Variants in PLS3 observed in about 807,000 individuals in gnomAD.
PLS3 encodes plastin 3.
PLS3 carries 11 observed loss-of-function variants against 46.5 expected under a neutral mutation model. That is an observed-to-expected ratio of 0.24 (90% CI 0.15 to 0.39). PLS3 has a LOEUF of 0.39. Ranked by LOEUF, PLS3 falls within the 10% of genes least tolerant of loss-of-function variation. The probability of loss-of-function intolerance (pLI) is 1.00; values close to 1 mark genes in which losing one functional copy is unlikely to be tolerated. For missense variants in PLS3, 308 were observed against 461.8 expected (o/e 0.67, Z 3.05); for synonymous variants, 167 against 162.2 (o/e 1.03, Z -0.22).
rs147650330 is a variant in PLS3 at position 115,596,198 on chromosome X, C to T, written c.-8-14045C>T. Among the ~76,000 whole-genome samples, 497 of 111,844 alleles carry T rather than the reference C, an allele frequency of 4.4e-3. 3 individuals are homozygous for T. Among genetic ancestry groups the T allele is most frequent in the Non-Finnish European group, 7.1e-3 (378 of 53,219 alleles). ...CAATTGTATGTGAAGAATGTGAAGACGTTATTGAACTTGACTATTTTGTTC... is the reference window on the plus strand; with the variant it reads ...CAATTGTATGTGAAGAATGTGAAGATGTTATTGAACTTGACTATTTTGTTC... On this transcript the variant is annotated intron_variant, in intron 1 of 15. Transcript: ENST00000355899.
intron 1 of PLS3, among the ~76,000 whole-genome samples, chrX:115,585,444 G>T (rs2074301738): frequency 9.0e-6 from 1 of 111,052 alleles, no homozygotes; most frequent in Admixed American, 9.7e-5. Flanking sequence ...GGGCTGGAGT[G>T]CAGTGGTGCA....
At chrX:115,601,190 G>A (rs782146962) in intron 1 of PLS3, among the ~76,000 whole-genome samples, 130 of 109,918 alleles carry the variant, frequency 1.2e-3, no homozygotes, top group African/African-American at 4.1e-3. Flanking sequence ...TGGAAGAAGC[G>A]GGAAAATACA....
At chrX:115,595,728 T>C (rs1421890878) in intron 1 of PLS3, among the ~76,000 whole-genome samples, 16 of 99,347 alleles carry the variant, frequency 1.6e-4, no homozygotes, top group South Asian at 5.2e-4. Context: ...CTCACTCTGT[T>C]GCCCAGGCTG....
chrX:115,589,514 A>G (rs1454959523), intron 1 of PLS3, among the ~76,000 whole-genome samples: 1 of 111,239 alleles, frequency 9.0e-6, no homozygotes, highest in Non-Finnish European at 1.9e-5. Context: ...TGCTTCACTC[A>G]CTATGTTTGT....
At chrX:115,571,882 A>G (rs1156908387) in intron 1 of PLS3, among the ~76,000 whole-genome samples, 1 of 112,271 alleles carries the variant, frequency 8.9e-6, no homozygotes, top group Non-Finnish European at 1.9e-5. Context: ...TATTTTATCT[A>G]GTGGAAATTT....
chrX:115,581,579 T>C (rs2074279668), intron 1 of PLS3, among the ~76,000 whole-genome samples: 1 of 111,906 alleles, frequency 8.9e-6, no homozygotes, highest in African/African-American at 3.2e-5. Flanking sequence ...TGGTTTTGGG[T>C]GAGGGAAAAT....
At chrX:115,567,332 C>T (rs1237720063) in intron 1 of PLS3, among the ~76,000 whole-genome samples, 2 of 111,154 alleles carry the variant, frequency 1.8e-5, no homozygotes, top group African/African-American at 6.5e-5. Flanking sequence ...CACGGTGGCT[C>T]ACATCTGTCA....
chrX:115,617,020 G>A (rs782284247), intron 2 of PLS3, among the ~76,000 whole-genome samples: 8 of 111,450 alleles, frequency 7.2e-5, no homozygotes, highest in Admixed American at 1.9e-4. Context: ...ATATGTATTC[G>A]AAGTGACTCA....
intron 1 of PLS3, among the ~76,000 whole-genome samples, chrX:115,567,259 T>C (rs1294860108): frequency 9.0e-6 from 1 of 111,282 alleles, no homozygotes; most frequent in South Asian, 3.8e-4. Context: ...GGAAACTGCA[T>C]AGTGGAAGAG....
At chrX:115,628,795 T>A (rs1420953413) in intron 3 of PLS3, among the ~76,000 whole-genome samples, 1 of 112,325 alleles carries the variant, frequency 8.9e-6, no homozygotes, top group Non-Finnish European at 1.9e-5. Flanking sequence ...TTTGGTTAAA[T>A]CATAAAATTT....
intron 1 of PLS3, among the ~76,000 whole-genome samples, chrX:115,579,223 T>A (rs1253284228): frequency 8.9e-6 from 1 of 112,188 alleles, no homozygotes; most frequent in Non-Finnish European, 1.9e-5. Context: ...AGATTCAACC[T>A]AAGTTGTTGT....
chrX:115,574,806 C>T (rs1358979448), intron 1 of PLS3, among the ~76,000 whole-genome samples: 5 of 112,069 alleles, frequency 4.5e-5, no homozygotes, highest in African/African-American at 6.5e-5. Context: ...CTCAGACTCC[C>T]GACCTCAGGT....
rs1556635940 is a variant in PLS3, at chrX:115,610,295, T to A, written c.45T>A (p.Asp15Glu). 8 of 1,170,485 alleles carry A rather than the reference T, an allele frequency of 6.8e-6. No homozygotes were observed. In the Middle Eastern group the frequency reaches 9.4e-4, roughly 138 times the overall value. The part of the protein sequence containing the change: ...ATTQISKDEL[D>E]ELKEAFAKVD... ...CTCAGATTTCCAAAGATGAGCTTGA[T>A]GAACTCAAAGAGGCCTTTGCAAAAG... Residue 15 changes from aspartate (D) to glutamate (E), a missense_variant, in exon 2 of 16, where the codon GAT becomes GAA. This residue lies in a region of PLS3 where 37 missense variants were observed against 26.1 expected (regional missense o/e 1.42). Transcript: ENST00000355899.
At chrX:115,585,259 A>G (rs1556632270) in intron 1 of PLS3, among the ~76,000 whole-genome samples, 1 of 112,204 alleles carries the variant, frequency 8.9e-6, no homozygotes, top group African/African-American at 3.2e-5. Flanking sequence ...CAACTAGTAT[A>G]GTGCCTTTTA....
intron 1 of PLS3, among the ~76,000 whole-genome samples, chrX:115,607,555 G>A (rs1434407662): frequency 9.5e-6 from 1 of 105,094 alleles, no homozygotes; most frequent in Non-Finnish European, 1.9e-5. Context: ...CTGGAGTGCA[G>A]TGGTACGATC....
intron 1 of PLS3, among the ~76,000 whole-genome samples, chrX:115,568,116 G>T (rs782598586): frequency 9.0e-6 from 1 of 110,887 alleles, no homozygotes; most frequent in African/African-American, 3.3e-5. Flanking sequence ...GCCATTTCTT[G>T]TTGTTCATTT....
At chrX:115,571,915 G>T (rs2147416750) in intron 1 of PLS3, among the ~76,000 whole-genome samples, 1 of 111,959 alleles carries the variant, frequency 8.9e-6, no homozygotes, top group African/African-American at 3.2e-5. Flanking sequence ...ACCAGGAAAT[G>T]ATGAAGGCTA....
intron 1 of PLS3, among the ~76,000 whole-genome samples, chrX:115,596,841 AAAT>A (rs781875567): frequency 1.9e-5 from 2 of 103,587 alleles, no homozygotes; most frequent in African/African-American, 7.2e-5. Context: ...TGTCTCAAGA[AAAT>A]AATAATAATA....
chrX:115,594,931 GT>G (rs1415142385), intron 1 of PLS3, among the ~76,000 whole-genome samples: 1 of 111,236 alleles, frequency 9.0e-6, no homozygotes, highest in Non-Finnish European at 1.9e-5. Flanking sequence ...TAAGAAGTTA[GT>G]TAATGTACCT....
Sources: allele counts gnomAD v4.1 joint callset (sites outside exome capture counted in the v4.1 genomes callset), GRCh38; gene constraint gnomAD v4.1.1; regional missense constraint gnomAD v4.1.1; transcripts MANE v1.5; gene names NCBI Gene and HGNC (gene_info 2026-07-23, HGNC 2026-07-21).